PPM1E: variants seen among roughly 807,000 people sequenced by gnomAD.
PPM1E encodes protein phosphatase 1E.
PPM1E carries 20 observed loss-of-function variants against 65.9 expected under a neutral mutation model. That is an observed-to-expected ratio of 0.30 (90% confidence interval 0.21 to 0.44). PPM1E has a LOEUF of 0.44. PPM1E is among the 20% of genes least tolerant of loss of function. The pLI, the probability that PPM1E is intolerant of heterozygous loss-of-function variation, is 1.00. For missense variants in PPM1E, 713 were observed against 953.1 expected (o/e 0.75, Z 3.32); for synonymous variants, 352 against 374.9 (o/e 0.94, Z 0.70).
At chr17:58,945,590 C>T (rs2052138923) in intron 1 of PPM1E, among the ~76,000 whole-genome samples, 1 of 152,188 alleles carries the variant, frequency 6.6e-6, no homozygotes, top group South Asian at 2.1e-4. Context: ...GGATAACGGG[C>T]TCAGTCCTGC....
At chr17:58,774,811 A>C (rs771432130) in intron 1 of PPM1E, among the ~76,000 whole-genome samples, 10 of 152,042 alleles carry the variant, frequency 6.6e-5, no homozygotes, top group Non-Finnish European at 1.3e-4. Flanking sequence ...ATAAGGACTA[A>C]GATAAGCTAT....
intron 1 of PPM1E, among the ~76,000 whole-genome samples, chr17:58,802,723 GT>G (rs1190580475): frequency 6.6e-6 from 1 of 151,866 alleles, no homozygotes; most frequent in Non-Finnish European, 1.5e-5. Flanking sequence ...ATGTTTTATA[GT>G]TTTTCATATT....
At chr17:58,810,426 C>T (rs1479277019) in intron 1 of PPM1E, among the ~76,000 whole-genome samples, 1 of 152,008 alleles carries the variant, frequency 6.6e-6, no homozygotes, top group Non-Finnish European at 1.5e-5. Context: ...AGGATGGTCT[C>T]AATCTCCTGA....
chr17:58,884,048 CCTT>C lies in PPM1E; in HGVS notation c.465-71600_465-71598del, dbSNP rs548371955. On this transcript the variant is annotated intron_variant, in intron 1 of 6. Coordinates refer to ENST00000308249, the MANE Select transcript of PPM1E (RefSeq NM_014906.5). ...ATCTGTGCATAGGGTCACTTAGTCT[CCTT>C]GTTTTTCAGAATGATACCTGCGTCC... 5.3e-5 allele frequency among the ~76,000 whole-genome samples: 8 copies of C among 152,278 alleles called. No homozygotes were observed. In the East Asian group the frequency reaches 1.5e-3, roughly 29 times the overall value.
At chr17:58,978,986 A>C (rs984659516) in intron 6 of PPM1E, among the ~76,000 whole-genome samples, 13 of 152,118 alleles carry the variant, frequency 8.5e-5, no homozygotes, top group Non-Finnish European at 1.6e-4. Flanking sequence ...ACTCCCTAAC[A>C]GTTGCCTCTG....
chr17:58,970,778 C>T (rs547476662), intron 4 of PPM1E, among the ~76,000 whole-genome samples: 4 of 152,100 alleles, frequency 2.6e-5, no homozygotes, highest in African/African-American at 7.2e-5. Flanking sequence ...GAGCTCCAGT[C>T]TCTTGAGGAC....
At chr17:58,889,787 C>T (rs534978757) in intron 1 of PPM1E, among the ~76,000 whole-genome samples, 4 of 152,082 alleles carry the variant, frequency 2.6e-5, no homozygotes, top group Non-Finnish European at 5.9e-5. Flanking sequence ...GATATTACTG[C>T]CCTTGCTAGA....
intron 1 of PPM1E, among the ~76,000 whole-genome samples, chr17:58,852,713 C>G (rs1187374476): frequency 6.6e-6 from 1 of 151,500 alleles, no homozygotes; most frequent in East Asian, 1.9e-4. Context: ...AAGTGATTCT[C>G]CTGGCTCGGC....
chr17:58,972,084 G>GT (rs1454897361), intron 4 of PPM1E, 48 bp from the exon 5 acceptor site: 1 of 1,551,904 alleles, frequency 6.4e-7, no homozygotes, highest in African/African-American at 1.4e-5. Flanking sequence ...TAAGAATGTA[G>GT]TATCTATTTC....
chr17:58,852,212 G>A (rs976261191), intron 1 of PPM1E, among the ~76,000 whole-genome samples: 1 of 152,056 alleles, frequency 6.6e-6, no homozygotes, highest in Non-Finnish European at 1.5e-5. Context: ...GGAATTCCTC[G>A]ACCCCTTGCG....
At chr17:58,964,850 C>G (rs1410624825) in intron 2 of PPM1E, among the ~76,000 whole-genome samples, 1 of 152,050 alleles carries the variant, frequency 6.6e-6, no homozygotes, top group African/African-American at 2.4e-5. Flanking sequence ...TCAAGACCAG[C>G]CTGGCCAACA....
At chr17:58,861,265 G>T (rs2050939498) in intron 1 of PPM1E, among the ~76,000 whole-genome samples, 1 of 152,198 alleles carries the variant, frequency 6.6e-6, no homozygotes. Flanking sequence ...TCATAGACAA[G>T]AGCTGGTGAT....
intron 4 of PPM1E, among the ~76,000 whole-genome samples, chr17:58,970,775 A>G (rs1199313748): frequency 6.6e-6 from 1 of 152,038 alleles, no homozygotes; most frequent in Non-Finnish European, 1.5e-5. Flanking sequence ...TCAGAGCTCC[A>G]GTCTCTTGAG....
intron 1 of PPM1E, among the ~76,000 whole-genome samples, chr17:58,918,623 C>T (rs1339025503): frequency 1.3e-5 from 2 of 151,560 alleles, no homozygotes; most frequent in Non-Finnish European, 2.9e-5. Flanking sequence ...CTGGGCAACA[C>T]GGTGAAACCC....
At chr17:58,936,396 C>T (rs1407232631) in intron 1 of PPM1E, among the ~76,000 whole-genome samples, 1 of 152,130 alleles carries the variant, frequency 6.6e-6, no homozygotes, top group Non-Finnish European at 1.5e-5. Flanking sequence ...ATAGCATCAT[C>T]ATAATATGTG....
intron 1 of PPM1E, among the ~76,000 whole-genome samples, chr17:58,928,745 C>T (rs1442463697): frequency 6.0e-5 from 9 of 151,202 alleles, no homozygotes; most frequent in Non-Finnish European, 5.9e-5. Flanking sequence ...TCTTGTTGCC[C>T]GGGCTGGAGT....
chr17:58,863,322 T>C (rs1165924662), intron 1 of PPM1E, among the ~76,000 whole-genome samples: 1 of 152,134 alleles, frequency 6.6e-6, no homozygotes, highest in Non-Finnish European at 1.5e-5. Context: ...GAGCCCTTCA[T>C]GGGAGTGGGA....
chr17:58,860,508 AGCTG>A (rs1714609636), intron 1 of PPM1E, among the ~76,000 whole-genome samples: 1 of 152,220 alleles, frequency 6.6e-6, no homozygotes, highest in African/African-American at 2.4e-5. Flanking sequence ...TAGAGGAGAA[AGCTG>A]ATGAAGCTGA....
At chr17:58,809,051 T>C (rs1201195853) in intron 1 of PPM1E, among the ~76,000 whole-genome samples, 1 of 152,110 alleles carries the variant, frequency 6.6e-6, no homozygotes, top group African/African-American at 2.4e-5. Context: ...TCTTCTTAAA[T>C]TGAAGTATAA....
Sources: allele counts gnomAD v4.1 joint callset (sites outside exome capture counted in the v4.1 genomes callset), GRCh38; gene constraint gnomAD v4.1.1; transcripts MANE v1.5; gene names NCBI Gene and HGNC (gene_info 2026-07-23, HGNC 2026-07-21).